The following TJP1 variants were observed in gnomAD, a reference collection of about 807,000 sequenced individuals.
TJP1 encodes tight junction protein 1.
A neutral mutation model predicts 194.2 loss-of-function variants in TJP1; 43 were observed. The observed-to-expected ratio is 0.22, with a 90% CI of 0.17 to 0.29. The LOEUF (loss-of-function observed/expected upper bound fraction) is 0.29. TJP1 is among the 10% of genes least tolerant of loss of function. The pLI is 1.00. For missense variants in TJP1, 1,971 were observed against 2,185.7 expected, an observed-to-expected ratio of 0.90 and a Z score of 1.96; for synonymous variants, 801 against 779.0, an observed-to-expected ratio of 1.03 and a Z score of -0.47.
At chr15:29,746,912 G>GAA (rs1267893240) in intron 8 of TJP1, among the ~76,000 whole-genome samples, 3 of 139,840 alleles carry the variant, frequency 2.1e-5, no homozygotes, top group Admixed American at 7.2e-5. Context: ...AATCTTTTAG[G>GAA]AAAAAAAAAA....
At chr15:29,792,810 G>A (rs2048179074) in intron 2 of TJP1, among the ~76,000 whole-genome samples, 1 of 152,042 alleles carries the variant, frequency 6.6e-6, no homozygotes, top group Non-Finnish European at 1.5e-5. Flanking sequence ...AGTTTTCATT[G>A]TAGAAATCTT....
chr15:29,723,984 T>C (rs939032587), intron 18 of TJP1, among the ~76,000 whole-genome samples: 3 of 152,150 alleles, frequency 2.0e-5, no homozygotes, highest in African/African-American at 7.2e-5. Context: ...AATCAGAAAG[T>C]ATTTCTTCCA....
intron 2 of TJP1, among the ~76,000 whole-genome samples, chr15:29,790,591 T>G (rs1363651257): frequency 6.6e-6 from 1 of 152,158 alleles, no homozygotes; most frequent in Non-Finnish European, 1.5e-5. Flanking sequence ...ACACAATAAA[T>G]TAACGATAGT....
At chr15:29,702,216 A>G (rs1450696499) in intron 27 of TJP1, among the ~76,000 whole-genome samples, 1 of 152,174 alleles carries the variant, frequency 6.6e-6, no homozygotes, top group Admixed American at 6.5e-5. Context: ...AGTTCTGCAG[A>G]ATCTAGTTCT....
intron 2 of TJP1, among the ~76,000 whole-genome samples, chr15:29,876,947 G>A (rs540490317): frequency 1.3e-5 from 2 of 152,254 alleles, no homozygotes; most frequent in South Asian, 4.1e-4. Flanking sequence ...ACACAGTGAA[G>A]CAAAAATGCT....
At chr15:29,886,031 G>A (rs1319188822) in intron 2 of TJP1, among the ~76,000 whole-genome samples, 9 of 152,138 alleles carry the variant, frequency 5.9e-5, no homozygotes. Flanking sequence ...AGTTCCACTC[G>A]ACAATTTCAG....
chr15:29,955,709 C>T (rs1407314975), intron 2 of TJP1, among the ~76,000 whole-genome samples: 1 of 139,450 alleles, frequency 7.2e-6, no homozygotes, highest in African/African-American at 2.7e-5. Flanking sequence ...CATGATTGCA[C>T]CACTGCACTC....
In TJP1 at chr15:29,701,493, T is replaced by C; in HGVS notation, c.*102A>G. On this transcript the variant is annotated 3_prime_UTR_variant, in exon 28 of 28. Coordinates refer to ENST00000614355, the MANE Select transcript of TJP1 (RefSeq NM_001330239.4). Reference sequence around the variant, plus strand: ...AAACAAATGCCTCATACTAACAAACTGTAGTATCAACTCTAAAAAAGGTAT... The same window carrying C: ...AAACAAATGCCTCATACTAACAAACCGTAGTATCAACTCTAAAAAAGGTAT... The C allele has an allele frequency of 1.1e-6, 1 of 903,804 alleles. No individual in the cohort carries two copies. The highest frequency in any genetic ancestry group is 1.6e-5 in the South Asian group (1 of 62,134). The allele number at this position is 903,804 out of a possible 1,614,324, so 56.0% of individuals were successfully genotyped here. A position where few individuals can be genotyped will look rare whatever the true frequency, so the allele number is the denominator to read the frequency against.
At chr15:29,896,850 TG>T (rs372417200) in intron 2 of TJP1, among the ~76,000 whole-genome samples, 185 of 152,316 alleles carry the variant, frequency 1.2e-3, no homozygotes, top group African/African-American at 4.2e-3. Context: ...TTAGGGTATC[TG>T]GCAGAAGAAA....
intron 2 of TJP1, among the ~76,000 whole-genome samples, chr15:29,954,161 C>T (rs74511039): frequency 0.016 from 2,402 of 152,278 alleles, 67 homozygotes; most frequent in African/African-American, 0.054. Flanking sequence ...TCAATTCTTT[C>T]ATGAAATGAG....
intron 2 of TJP1, among the ~76,000 whole-genome samples, chr15:29,866,721 A>G (rs1333288865): frequency 6.6e-6 from 1 of 152,264 alleles, no homozygotes; most frequent in Non-Finnish European, 1.5e-5. Flanking sequence ...TCCATTAAAA[A>G]ATATAATTTG....
At chr15:29,870,716 C>A (rs1411863957) in intron 2 of TJP1, among the ~76,000 whole-genome samples, 1 of 152,160 alleles carries the variant, frequency 6.6e-6, no homozygotes, top group African/African-American at 2.4e-5. Flanking sequence ...ACTGTCCCTG[C>A]AGGGATGTTA....
At chr15:29,777,910 G>A (rs1159661309) in intron 2 of TJP1, among the ~76,000 whole-genome samples, 1 of 151,990 alleles carries the variant, frequency 6.6e-6, no homozygotes, top group Non-Finnish European at 1.5e-5. Flanking sequence ...CTTCAAAGAA[G>A]TTGGGGCTAA....
At chr15:29,758,391 GA>G (rs766570001) in intron 8 of TJP1, among the ~76,000 whole-genome samples, 1 of 150,678 alleles carries the variant, frequency 6.6e-6, no homozygotes, top group African/African-American at 2.4e-5. Context: ...ATACCTAGGA[GA>G]AAAAAAAATC....
chr15:29,916,034 C>G (rs2054172641), intron 2 of TJP1, among the ~76,000 whole-genome samples: 1 of 152,000 alleles, frequency 6.6e-6, no homozygotes, highest in Admixed American at 6.6e-5. Context: ...CACCTGAGGT[C>G]AGGATTTTCA....
At chr15:29,956,103 G>T in intron 2 of TJP1, 1 of 753,014 alleles carries the variant, frequency 1.3e-6, no homozygotes, top group Non-Finnish European at 1.7e-6. Context: ...GTAAACTGTT[G>T]GGTGAACCAT....
Position 29,828,869 on chromosome 15 carries a change from G to A in TJP1, c.307-28167C>T, listed in dbSNP as rs1343499141. On this transcript the variant is annotated intron_variant, in intron 2 of 28. Coordinates refer to the TJP1 transcript ENST00000356107. ...CTGCCTCAGCCTCCTCAGTAGCTGG[G>A]ATTACAGAAGCCTACCACAATGCCT... 3.3e-5 allele frequency among the ~76,000 whole-genome samples: 5 copies of A among 152,128 alleles called. No homozygotes were observed. In the East Asian group the frequency reaches 9.7e-4, roughly 29 times the overall value.
intron 1 of TJP1, among the ~76,000 whole-genome samples, chr15:29,803,854 A>G (rs2151905491): frequency 6.6e-6 from 1 of 152,188 alleles, no homozygotes; most frequent in Non-Finnish European, 1.5e-5. Flanking sequence ...TCCACATCTC[A>G]AAAAACTTCT....
intron 24 of TJP1, among the ~76,000 whole-genome samples, chr15:29,709,972 CCT>C (rs1312446514): frequency 6.6e-6 from 1 of 152,008 alleles, no homozygotes; most frequent in African/African-American, 2.4e-5. Context: ...ATGATGAAAC[CCT>C]GTCTCTACAA....
Sources: allele counts gnomAD v4.1 joint callset (sites outside exome capture counted in the v4.1 genomes callset), GRCh38; gene constraint gnomAD v4.1.1; transcripts MANE v1.5; gene names NCBI Gene and HGNC (gene_info 2026-07-23, HGNC 2026-07-21).